The following NBN variants were observed in gnomAD, a reference collection of about 807,000 sequenced individuals.
NBN encodes Nijmegen breakage syndrome 1 (nibrin).
NBN carries 88 observed loss-of-function variants against 90.8 expected under a neutral mutation model. The ratio of observed to expected loss-of-function variants is 0.97; its 90% CI spans 0.82 to 1.16. The LOEUF (loss-of-function observed/expected upper bound fraction) is 1.16. NBN is among the 50% of genes most tolerant of loss of function. The probability of loss-of-function intolerance (pLI) is 0.00; values close to 1 mark genes in which losing one functional copy is unlikely to be tolerated. For synonymous variants in NBN, 328 were observed against 295.1 expected (o/e 1.11, Z -1.14); for missense variants, 894 against 869.6 (o/e 1.03, Z -0.35).
intron 5 of NBN, among the ~76,000 whole-genome samples, chr8:89,977,191 GGT>G (rs2129880021): frequency 6.6e-6 from 1 of 152,156 alleles, no homozygotes; most frequent in South Asian, 2.1e-4. Flanking sequence ...ACATGCATTA[GGT>G]ATTTGTCCTA....
chr8:89,949,032 C>T (rs1434243480), intron 11 of NBN, among the ~76,000 whole-genome samples: 2 of 152,278 alleles, frequency 1.3e-5, no homozygotes, highest in East Asian at 3.9e-4. Flanking sequence ...AAGTAAACCA[C>T]CAAGTCTTGG....
At chr8:89,938,332 T>C (rs879703551) in intron 14 of NBN, among the ~76,000 whole-genome samples, 4 of 152,220 alleles carry the variant, frequency 2.6e-5, no homozygotes, top group East Asian at 1.9e-4. Context: ...ATATTGGTTA[T>C]GTAATTTTGC....
At chr8:89,976,349 AG>A (rs766744085) in intron 5 of NBN, among the ~76,000 whole-genome samples, 46 of 152,322 alleles carry the variant, frequency 3.0e-4, no homozygotes, top group Non-Finnish European at 6.3e-4. Flanking sequence ...GAAGGCCAAA[AG>A]GTTTTACATC....
intron 4 of NBN, among the ~76,000 whole-genome samples, chr8:89,978,886 C>G (rs1425375766): frequency 2.0e-5 from 3 of 152,118 alleles, no homozygotes. Flanking sequence ...GTGAATTAAG[C>G]TATAAGCCTC....
chr8:89,958,949 G>T, intron 8 of NBN, 95 bp from the exon 9 acceptor site: 1 of 1,484,978 alleles, frequency 6.7e-7, no homozygotes, highest in Non-Finnish European at 9.3e-7. Flanking sequence ...CCATGCTGAG[G>T]GGATTAACTA....
Position 89,934,910 on chromosome 8 carries a change from T to A in NBN, c.*672A>T. ...CCAAAAAGGGGTACAGGTCTTTCCA[T>A]TCTGGTGAAAACTAAACCCATGTTT... On this transcript the variant is annotated 3_prime_UTR_variant, in exon 16 of 16. Transcript: ENST00000265433. 4.3e-6 allele frequency: 1 copy of A among 232,782 alleles called. No homozygotes were observed. Among genetic ancestry groups the A allele is most frequent in the Middle Eastern group, 1.3e-3 (1 of 786 alleles). The allele number at this position is 232,782 out of a possible 1,614,324, so 14.4% of individuals were successfully genotyped here.
chr8:89,971,182 A>G lies in NBN; in HGVS notation c.693T>C (p.Asn231=), dbSNP rs878854514. The G allele has an allele frequency of 6.2e-7, 1 of 1,612,636 alleles. No individual in the cohort carries two copies. The change falls in exon 6 of 16, where the codon AAT becomes AAC. Residue 231 remains asparagine, a synonymous_variant. Coordinates refer to ENST00000265433, the MANE Select transcript of NBN (RefSeq NM_002485.5). ...IFKGKTFIFL[N]AKQHKKLSSA... is the part of the protein sequence containing the mutation. Reference sequence around the variant, plus strand: ...CTTATAACATAATTACCTGTTTGGCATTCAAAAATATAAATGTTTTCCCTT... The same window carrying G: ...CTTATAACATAATTACCTGTTTGGCGTTCAAAAATATAAATGTTTTCCCTT...
At chr8:89,953,202 A>G in intron 11 of NBN, 42 bp downstream of exon 11, 1 of 1,423,632 alleles carries the variant, frequency 7.0e-7, no homozygotes, top group Non-Finnish European at 9.9e-7. Flanking sequence ...TTAGCATTCT[A>G]AGCTTCTATG....
At chr8:89,968,835 T>C (rs1811370839) in intron 7 of NBN, among the ~76,000 whole-genome samples, 2 of 152,232 alleles carry the variant, frequency 1.3e-5, no homozygotes, top group Non-Finnish European at 2.9e-5. Context: ...TGTGACTATC[T>C]TGTTTTTCAT....
chr8:89,982,933 G>T, intron 1 of NBN, 78 bp from the exon 2 acceptor site: 1 of 1,392,406 alleles, frequency 7.2e-7, no homozygotes, highest in Non-Finnish European at 1.0e-6. Flanking sequence ...ATACATGTAA[G>T]TGTATATGAT....
intron 13 of NBN, among the ~76,000 whole-genome samples, chr8:89,945,912 A>T (rs1373761383): frequency 6.6e-6 from 1 of 152,160 alleles, no homozygotes; most frequent in Non-Finnish European, 1.5e-5. Flanking sequence ...AACCAGGTAA[A>T]CAGCAACCTC....
Position 89,955,241 on chromosome 8 carries a change from A to ATT in NBN, c.1397+40_1397+41dup, listed in dbSNP as rs13312923. 4.5e-6 allele frequency: 7 copies of ATT among 1,549,480 alleles called. No homozygotes were observed. The African/African-American group carries it at 5.5e-5, about 12-fold the overall frequency. On this transcript the variant is annotated intron_variant, in intron 10 of 15. Coordinates refer to ENST00000265433, the MANE Select transcript of NBN (RefSeq NM_002485.5). ...TTCTACAACAGTATAAAAAACTTTC[A>ATT]TTTTTTTTTCAGAGACATGAGAGAA...
chr8:89,962,680 C>G (rs945609166), intron 8 of NBN, among the ~76,000 whole-genome samples: 3 of 152,140 alleles, frequency 2.0e-5, no homozygotes, highest in African/African-American at 2.4e-5. Flanking sequence ...TTTAAAACTT[C>G]ACAAGAACTT....
At chr8:89,939,276 T>C (rs1809828537) in intron 14 of NBN, among the ~76,000 whole-genome samples, 1 of 151,988 alleles carries the variant, frequency 6.6e-6, no homozygotes, top group Admixed American at 6.6e-5. Context: ...GAGATGGCAG[T>C]ACAGAACATT....
In NBN at chr8:89,984,519, C is replaced by A. The variant is rs540868733; in HGVS notation, c.37+6G>T. ...ATAGGCCCCGAGGCTTCCCTTCTGC[C>A]CTTACCTCCTGCCGGGCCCGCGGCG... is the stretch of plus-strand genomic sequence containing the variant. On this transcript the variant is annotated splice_donor_region_variant and intron_variant, in intron 1 of 15. Coordinates refer to ENST00000265433, the MANE Select transcript of NBN (RefSeq NM_002485.5). 2 of 1,612,720 alleles carry A rather than the reference C, an allele frequency of 1.2e-6. No individual in the cohort carries two copies. The highest frequency in any genetic ancestry group is 1.7e-6 in the Non-Finnish European group (2 of 1,179,246).
intron 12 of NBN, among the ~76,000 whole-genome samples, chr8:89,947,536 G>A (rs2129657436): frequency 6.6e-6 from 1 of 152,172 alleles, no homozygotes; most frequent in Non-Finnish European, 1.5e-5. Flanking sequence ...GGCTGAGGGA[G>A]GAGAATAGCT....
chr8:89,966,292 A>G (rs972914922), intron 7 of NBN, among the ~76,000 whole-genome samples: 12 of 152,210 alleles, frequency 7.9e-5, no homozygotes, highest in Non-Finnish European at 1.5e-5. Context: ...CTTATAGATG[A>G]TAATGATTTA....
chr8:89,973,757 A>G (rs572904889), intron 5 of NBN, among the ~76,000 whole-genome samples: 6 of 152,220 alleles, frequency 3.9e-5, no homozygotes, highest in Non-Finnish European at 8.8e-5. Flanking sequence ...AAACTAGTAC[A>G]AAAACTGGAA....
intron 14 of NBN, among the ~76,000 whole-genome samples, chr8:89,938,699 C>T (rs765219047): frequency 3.3e-5 from 5 of 152,100 alleles, no homozygotes; most frequent in African/African-American, 1.2e-4. Flanking sequence ...CTAGAGCAAG[C>T]CTACAAGAGT....
Sources: allele counts gnomAD v4.1 joint callset (sites outside exome capture counted in the v4.1 genomes callset), GRCh38; gene constraint gnomAD v4.1.1; transcripts MANE v1.5; gene names NCBI Gene and HGNC (gene_info 2026-07-23, HGNC 2026-07-21).